Variants in OTOGL observed in about 807,000 individuals in gnomAD.
The protein encoded by OTOGL is otogelin-like protein.
A neutral mutation model predicts 318.5 loss-of-function variants in OTOGL; 285 were observed. That is an observed-to-expected ratio of 0.89 (90% CI 0.81 to 0.99). The LOEUF is 0.99. OTOGL is among the 50% of genes least tolerant of loss of function. OTOGL has a pLI of 0.00. For missense variants in OTOGL, 2,899 were observed against 2,845.6 expected (o/e 1.02, Z -0.43); for synonymous variants, 987 against 936.5 (o/e 1.05, Z -0.99).
intron 9 of OTOGL, among the ~76,000 whole-genome samples, chr12:80,234,321 C>G (rs976085162): frequency 6.6e-6 from 1 of 152,090 alleles, no homozygotes; most frequent in African/African-American, 2.4e-5. Context: ...CTGACAGGCT[C>G]CCTGTGCTTA....
At chr12:80,368,381 T>TGGGGGGGGGGGGGGGG in intron 55 of OTOGL, 72 bp downstream of exon 55, 1 of 987,902 alleles carries the variant, frequency 1.0e-6, no homozygotes. Flanking sequence ...GTTTGGAAAA[T>TGGGGGGGGGGGGGGGG]GTCCCCCCCC....
intron 1 of OTOGL, among the ~76,000 whole-genome samples, chr12:80,140,733 A>G (rs2137140057): frequency 6.6e-6 from 1 of 152,334 alleles, no homozygotes; most frequent in Non-Finnish European, 1.5e-5. Flanking sequence ...ATTGGCACCT[A>G]GCTCATAGAA....
chr12:80,181,160 A>G (rs1441949903), intron 1 of OTOGL, among the ~76,000 whole-genome samples: 2 of 152,058 alleles, frequency 1.3e-5, no homozygotes, highest in South Asian at 2.1e-4. Context: ...ATTAGTTTAG[A>G]TCCTTTGTTG....
intron 27 of OTOGL, among the ~76,000 whole-genome samples, chr12:80,300,674 G>A (rs1463197027): frequency 2.0e-5 from 3 of 152,166 alleles, no homozygotes; most frequent in Admixed American, 2.0e-4. Context: ...TCTTGAGGAT[G>A]AAAGTTCTAC....
intron 1 of OTOGL, among the ~76,000 whole-genome samples, chr12:80,140,399 C>T (rs1871857746): frequency 6.6e-6 from 1 of 152,174 alleles, no homozygotes. Flanking sequence ...GCTTTGTTAA[C>T]TATTTGTGTT....
At chr12:80,170,797 A>G (rs943093846) in intron 1 of OTOGL, among the ~76,000 whole-genome samples, 25 of 152,196 alleles carry the variant, frequency 1.6e-4, no homozygotes, top group Middle Eastern at 6.3e-3. Context: ...TCAGTTATAT[A>G]TATTTTTCTC....
rs1889904774 is a variant in OTOGL, at chr12:80,356,453, A to G, written c.5844A>G (p.Thr1948=). 1 of 1,612,246 alleles carries G rather than the reference A, an allele frequency of 6.2e-7. No individual in the cohort carries two copies. Among genetic ancestry groups the G allele is most frequent in the Non-Finnish European group, 8.5e-7 (1 of 1,179,126 alleles). Residue 1948 remains threonine (T), a synonymous_variant, in exon 48 of 59, where the codon ACA becomes ACG. Transcript: ENST00000547103. ...CTTTGTGTGAAACTAGCATTCCAAC[A>G]TGTACAAATAGTCAAAAATTGATTG... ...DTTLCETSIP[T]CTNSQKLIVG...
At chr12:80,374,821 C>T (rs1891090059) in intron 57 of OTOGL, among the ~76,000 whole-genome samples, 1 of 152,038 alleles carries the variant, frequency 6.6e-6, no homozygotes, top group Non-Finnish European at 1.5e-5. Context: ...TGTGACTAAT[C>T]ATATGAATGA....
intron 52 of OTOGL, among the ~76,000 whole-genome samples, chr12:80,365,203 G>A (rs372907837): frequency 7.4e-4 from 112 of 152,054 alleles, no homozygotes; most frequent in African/African-American, 2.5e-3. Context: ...ACTTATACTC[G>A]AATGTTCATA....
At chr12:80,138,908 GA>G (rs949601842) in intron 1 of OTOGL, among the ~76,000 whole-genome samples, 1 of 152,086 alleles carries the variant, frequency 6.6e-6, no homozygotes, top group African/African-American at 2.4e-5. Flanking sequence ...AAAAGTCTCT[GA>G]ACATGTCCAG....
At chr12:80,125,270 G>A (rs1162556117) in intron 1 of OTOGL, among the ~76,000 whole-genome samples, 5 of 152,164 alleles carry the variant, frequency 3.3e-5, no homozygotes, top group Non-Finnish European at 5.9e-5. Context: ...TTTGTCAAAG[G>A]CCTTTTCTGC....
chr12:80,251,098 G>C (rs1480617360), intron 11 of OTOGL, among the ~76,000 whole-genome samples: 1 of 152,182 alleles, frequency 6.6e-6, no homozygotes, highest in Non-Finnish European at 1.5e-5. Context: ...ATCAGTGATA[G>C]ACTGGATAAA....
Position 80,368,298 on chromosome 12 carries a change from G to A in OTOGL, c.6604G>A (p.Val2202Ile). The change falls in exon 55 of 59, where the codon GTT (valine) becomes ATT (isoleucine). Residue 2202 changes from valine to isoleucine, a missense_variant. Transcript: ENST00000547103. ...CKFHMENGTSVVYAVGSTWHY... is the reference protein window; with the variant it reads ...CKFHMENGTSIVYAVGSTWHY... Reference sequence around the variant, plus strand: ...ATTTCACATGGAAAATGGAACATCAGTTGTATACGCGGTATGTTTCATGGA... The same window carrying A: ...ATTTCACATGGAAAATGGAACATCAATTGTATACGCGGTATGTTTCATGGA... The A allele has an allele frequency of 6.3e-7, 1 of 1,585,430 alleles. No individual in the cohort carries two copies. Among genetic ancestry groups the A allele is most frequent in the Non-Finnish European group, 8.6e-7 (1 of 1,161,262 alleles).
chr12:80,271,942 A>G (rs1187922070), intron 24 of OTOGL, 132 bp downstream of exon 24: 2 of 1,025,594 alleles, frequency 2.0e-6, no homozygotes, highest in Non-Finnish European at 2.7e-6. Flanking sequence ...TAGCTAGAAG[A>G]CTATTGTGAT....
Position 80,328,760 on chromosome 12 carries a change from G to A in OTOGL, c.4279+16G>A. The A allele has an allele frequency of 1.3e-6, 2 of 1,566,738 alleles. No homozygotes were observed. The highest frequency in any genetic ancestry group is 1.8e-6 in the Non-Finnish European group (2 of 1,140,302). On this transcript the variant is annotated intron_variant, in intron 36 of 58. Coordinates refer to ENST00000547103, the MANE Select transcript of OTOGL (RefSeq NM_001378609.3). ...CCACGAGACTGTAAGTGTGAACGTT[G>A]CTTAATTTACTCTGAAAAATTATAC...
intron 32 of OTOGL, among the ~76,000 whole-genome samples, chr12:80,317,838 T>C (rs947337658): frequency 2.0e-5 from 3 of 151,986 alleles, no homozygotes; most frequent in Non-Finnish European, 4.4e-5. Context: ...CTAAGAAAAA[T>C]TGTCCACTGT....
chr12:80,176,370 T>C (rs1312122490), intron 1 of OTOGL, among the ~76,000 whole-genome samples: 1 of 152,164 alleles, frequency 6.6e-6, no homozygotes, highest in Non-Finnish European at 1.5e-5. Flanking sequence ...ATATGTTTCC[T>C]TGTGTCTCTT....
chr12:80,118,425 T>G (rs1870295336), intron 1 of OTOGL, among the ~76,000 whole-genome samples: 1 of 151,982 alleles, frequency 6.6e-6, no homozygotes, highest in Middle Eastern at 3.4e-3. Context: ...ATAGAAGGAG[T>G]GTAACGTTTT....
intron 47 of OTOGL, 90 bp downstream of exon 47, chr12:80,356,038 T>A: frequency 7.2e-7 from 1 of 1,389,460 alleles, no homozygotes; most frequent in Non-Finnish European, 9.9e-7. Context: ...ATGCTTTGTA[T>A]TTTTAAAAAA....
Sources: gnomAD v4.1 joint callset for allele counts (sites outside exome capture counted in the v4.1 genomes callset) on GRCh38, gnomAD v4.1.1 for gene constraint, MANE v1.5 for transcripts, NCBI Gene and HGNC (gene_info 2026-07-23, HGNC 2026-07-21) for gene names.